The following NBR1 variants were observed in gnomAD, a reference collection of about 807,000 sequenced individuals.
NBR1 encodes the protein next to BRCA1 gene 1 protein.
A neutral mutation model predicts 115.5 loss-of-function variants in NBR1; 59 were observed. That is an observed-to-expected ratio of 0.51 (90% CI 0.41 to 0.63). NBR1 has a LOEUF of 0.63. Among genes scored for constraint, NBR1 ranks in the 30% least tolerant of loss-of-function variants. The pLI is 0.00. For missense variants in NBR1, 1,043 were observed against 1,150.5 expected, an observed-to-expected ratio of 0.91 and a Z score of 1.35; for synonymous variants, 373 against 414.7, an observed-to-expected ratio of 0.90 and a Z score of 1.22.
chr17:43,194,326 T>G, intron 12 of NBR1, 24 bp from the exon 13 acceptor site: 7 of 1,591,448 alleles, frequency 4.4e-6, no homozygotes, highest in Non-Finnish European at 5.1e-6. Context: ...GCCTAAAATT[T>G]GTCTCAATGG....
At chr17:43,188,498 C>G (rs896368153) in intron 6 of NBR1, among the ~76,000 whole-genome samples, 11 of 152,052 alleles carry the variant, frequency 7.2e-5, no homozygotes, top group African/African-American at 2.7e-4. Context: ...CTTTTGTTGC[C>G]ACTGCTTTTG....
rs751600015 is a variant in NBR1, at chr17:43,200,276, G to A, written c.2136G>A (p.Glu712=). ...MEEEEDEEDE[E]EEDELKDEVQ... ...AGGAGGAGGATGAGGAGGATGAGGA[G>A]GAGGAGGATGAGCTCAAAGATGAAG... The change falls in exon 17 of 21, where the codon GAG becomes GAA. Residue 712 remains glutamate (E), a synonymous_variant. Transcript: ENST00000590996. The A allele has an allele frequency of 6.4e-7, 1 of 1,551,664 alleles. No homozygotes were observed. The highest frequency in any genetic ancestry group is 1.4e-5 in the African/African-American group (1 of 73,158).
Position 43,186,271 on chromosome 17 carries a change from C to A in NBR1, c.229C>A (p.Gln77Lys). The A allele has an allele frequency of 6.3e-7, 1 of 1,577,882 alleles. No homozygotes were observed. The highest frequency in any genetic ancestry group is 8.6e-7 in the Non-Finnish European group (1 of 1,162,092). The change falls in exon 6 of 21, where the codon CAA (glutamine) becomes AAA (lysine). Residue 77 changes from glutamine (Q) to lysine (K), a missense_variant. Physicochemically the swap from Gln to Lys is moderately conservative, Grantham distance 53 (BLOSUM62 1). Transcript: ENST00000590996. ...ALKMAVKQGNQLQMQVHEGHH... is the reference protein window; with the variant it reads ...ALKMAVKQGNKLQMQVHEGHH... ...TTAGATGGCAGTTAAACAGGGAAAC[C>A]AACTGCAGATGCAAGTCCACGAAGG...
chr17:43,194,405 CAG>C lies in NBR1; in HGVS notation c.1582_1583del (p.Glu528ArgfsTer16). The C allele has an allele frequency of 6.2e-7, 1 of 1,613,932 alleles. No homozygotes were observed. Among genetic ancestry groups the C allele is most frequent in the Non-Finnish European group, 8.5e-7 (1 of 1,179,870 alleles). On this transcript the variant is annotated frameshift_variant, in exon 13 of 21. Transcript: ENST00000590996. LOFTEE classifies it high-confidence loss of function. The stretch of plus-strand genomic sequence containing the variant: ...CAGCTTGGTGAAGTGACTGAGCAGA[CAG>C]AAGGGACAGCAGCCTGCATCCCACA...
chr17:43,198,093 G>A (rs954540542), intron 16 of NBR1, among the ~76,000 whole-genome samples: 15 of 151,918 alleles, frequency 9.9e-5, no homozygotes, highest in Middle Eastern at 3.4e-3. Context: ...ACTTTAACCC[G>A]GGAGGCGAAG....
intron 20 of NBR1, among the ~76,000 whole-genome samples, chr17:43,207,513 A>G (rs2057339989): frequency 1.3e-5 from 2 of 152,148 alleles, no homozygotes; most frequent in Admixed American, 1.3e-4. Context: ...GGGCACCACC[A>G]TGCCTAGCTA....
At chr17:43,184,468 C>T (rs2056754347) in intron 5 of NBR1, among the ~76,000 whole-genome samples, 1 of 150,432 alleles carries the variant, frequency 6.6e-6, no homozygotes, top group Non-Finnish European at 1.5e-5. Flanking sequence ...TGGATTCAAG[C>T]AATTCTCCTG....
At position 43,174,341 on chromosome 17, in the gene NBR1, A is replaced by T. The variant is rs139416141; in HGVS notation, c.-9-1450A>T. Among the ~76,000 whole-genome samples the T allele has an allele frequency of 6.1e-3, 924 of 152,344 alleles. 26 individuals are homozygous for T. The East Asian group carries it at 0.078, about 13-fold the overall frequency. On this transcript the variant is annotated intron_variant, in intron 1 of 20. Coordinates refer to ENST00000590996, the MANE Select transcript of NBR1 (RefSeq NM_005899.5). ...TCCGGGCATGGTGGCTCACGCCTGT[A>T]ATCCCAGCACTTTGGGAGGCCGAGG...
chr17:43,199,061 T>TTTTG (rs1460293368), intron 16 of NBR1, among the ~76,000 whole-genome samples: 1 of 151,742 alleles, frequency 6.6e-6, no homozygotes, highest in African/African-American at 2.4e-5. Context: ...TGTTCACAGC[T>TTTTG]GTTATTCTGA....
At chr17:43,208,617 A>G (rs2057359750) in intron 20 of NBR1, among the ~76,000 whole-genome samples, 1 of 152,192 alleles carries the variant, frequency 6.6e-6, no homozygotes, top group East Asian at 1.9e-4. Context: ...CTCCCAAGTT[A>G]ATAATCTTTC....
chr17:43,186,459 G>A lies in NBR1; in HGVS notation c.402+15G>A. 2 of 1,501,684 alleles carry A rather than the reference G, an allele frequency of 1.3e-6. No individual in the cohort carries two copies. The highest frequency in any genetic ancestry group is 1.8e-6 in the Non-Finnish European group (2 of 1,131,272). 93.0% of individuals were successfully genotyped at this position (1,501,684 alleles called of 1,614,324 possible). A position where few individuals can be genotyped will look rare whatever the true frequency, so the allele number is the denominator to read the frequency against. On this transcript the variant is annotated intron_variant, in intron 6 of 20. Coordinates refer to ENST00000590996, the MANE Select transcript of NBR1 (RefSeq NM_005899.5). ...CTGCAGTGCAGGTATGAAGGGTATG[G>A]CCCAGTCTATCCAATATCGTTTCTT...
At chr17:43,204,968 C>T (rs1292336615) in intron 20 of NBR1, among the ~76,000 whole-genome samples, 1 of 151,604 alleles carries the variant, frequency 6.6e-6, no homozygotes, top group East Asian at 1.9e-4. Context: ...TGAGCGAGAC[C>T]CTGTCTCAAA....
At chr17:43,190,497 C>T (rs1189614574) in intron 8 of NBR1, 112 bp from the exon 9 acceptor site, 7 of 1,171,616 alleles carry the variant, frequency 6.0e-6, no homozygotes, top group Non-Finnish European at 8.6e-6. Context: ...ATGGCATGCT[C>T]AGGTTACCTG....
At position 43,194,502 on chromosome 17, in the gene NBR1, G is replaced by A. The variant is rs1475877796; in HGVS notation, c.1674+3G>A. On this transcript the variant is annotated splice_donor_region_variant and intron_variant, in intron 13 of 20. Coordinates refer to ENST00000590996, the MANE Select transcript of NBR1 (RefSeq NM_005899.5). ...CTGTGGATCTTCTGACTGCCCAGGT[G>A]GAAGATTCAGCACTTTGAAGGGCAA... The A allele has an allele frequency of 6.2e-7, 1 of 1,613,762 alleles. No individual in the cohort carries two copies.
intron 10 of NBR1, among the ~76,000 whole-genome samples, chr17:43,192,879 G>C (rs2056981136): frequency 6.6e-6 from 1 of 152,178 alleles, no homozygotes; most frequent in Admixed American, 6.5e-5. Flanking sequence ...GCTCAGGAGT[G>C]AGACCTATCC....
intron 5 of NBR1, among the ~76,000 whole-genome samples, chr17:43,181,498 T>A (rs1163342790): frequency 1.4e-5 from 2 of 140,932 alleles, no homozygotes; most frequent in African/African-American, 5.1e-5. Flanking sequence ...GGTGAAACCC[T>A]GTCTCTACTA....
intron 14 of NBR1, among the ~76,000 whole-genome samples, chr17:43,196,274 CTG>C (rs1199435629): frequency 2.0e-5 from 3 of 152,190 alleles, no homozygotes; most frequent in Admixed American, 1.3e-4. Context: ...GGCTAAATAA[CTG>C]TGATTCTTCC....
chr17:43,198,087 T>G (rs1812502303), intron 16 of NBR1, among the ~76,000 whole-genome samples: 2 of 150,898 alleles, frequency 1.3e-5, no homozygotes, highest in Non-Finnish European at 3.0e-5. Flanking sequence ...AGAATCACTT[T>G]AACCCGGGAG....
intron 1 of NBR1, among the ~76,000 whole-genome samples, chr17:43,172,894 T>G (rs1011067833): frequency 8.5e-5 from 13 of 152,126 alleles, no homozygotes; most frequent in Admixed American, 1.3e-4. Flanking sequence ...GGCGCGATCT[T>G]GGCTCACTGC....
Sources: allele counts gnomAD v4.1 joint callset (sites outside exome capture counted in the v4.1 genomes callset), GRCh38; gene constraint gnomAD v4.1.1; transcripts MANE v1.5; gene names NCBI Gene and HGNC (gene_info 2026-07-23, HGNC 2026-07-21).